Variants in BIVM observed in about 807,000 individuals in gnomAD.
The protein encoded by BIVM is basic, immunoglobulin-like variable motif containing.
Under a neutral mutation model 61.4 loss-of-function variants are expected in BIVM, and 31 were observed. That is an observed-to-expected ratio of 0.51 (90% CI 0.38 to 0.68). The LOEUF is 0.68. Among genes scored for constraint, BIVM ranks in the 30% least tolerant of loss-of-function variants. The pLI is 0.00. For synonymous variants in BIVM, 189 were observed against 210.7 expected, an observed-to-expected ratio of 0.90 and a Z score of 0.89; for missense variants, 526 against 596.0, an observed-to-expected ratio of 0.88 and a Z score of 1.22.
At chr13:102,834,732 A>T (rs115722296) in intron 9 of BIVM, among the ~76,000 whole-genome samples, 180 bp downstream of exon 9, 2,812 of 152,274 alleles carry the variant, frequency 0.018, 84 homozygotes, top group African/African-American at 0.063. Flanking sequence ...ACTCCTATCA[A>T]TCTCCATAGA....
chr13:102,808,857 A>G (rs1879286754), intron 3 of BIVM, among the ~76,000 whole-genome samples: 1 of 152,186 alleles, frequency 6.6e-6, no homozygotes, highest in South Asian at 2.1e-4. Flanking sequence ...TTATCCCTCT[A>G]ACATCTAAGG....
intron 7 of BIVM, among the ~76,000 whole-genome samples, chr13:102,824,055 G>A (rs966263778): frequency 2.0e-5 from 3 of 152,114 alleles, no homozygotes; most frequent in Non-Finnish European, 2.9e-5. Flanking sequence ...CCTTTTTCTG[G>A]TCCAAAAGAT....
In BIVM at chr13:102,837,852, G is replaced by A. The variant is rs77122054; in HGVS notation, c.1122-791G>A. 1.4e-3 allele frequency among the ~76,000 whole-genome samples: 209 copies of A among 152,276 alleles called. 2 individuals carry two copies. In the East Asian group the frequency reaches 0.017, roughly 12 times the overall value. On this transcript the variant is annotated intron_variant, in intron 9 of 10. Transcript: ENST00000257336. ...ACTTTAAGTGGGAGCTAAGCTATGC[G>A]GATGCAAAGGCATAAGAATGATATA...
chr13:102,839,653 A>C lies in BIVM; in HGVS notation c.1300A>C (p.Thr434Pro), dbSNP rs1405838099. The change falls in exon 11 of 11, where the codon ACC becomes CCC. Residue 434 changes from threonine (T) to proline (P), a missense_variant. Physicochemically the swap from Thr to Pro is conservative, Grantham distance 38. Coordinates refer to ENST00000257336, the MANE Select transcript of BIVM (RefSeq NM_017693.4). The stretch of plus-strand genomic sequence containing the variant: ...TGGCCTTTGGAACTTTCCATTTGGA[A>C]CCATTAGACAAGAATCACAACCTCC... ...RFGLWNFPFGTIRQESQPPTH... is the reference protein window; with the variant it reads ...RFGLWNFPFGPIRQESQPPTH... 6.2e-7 allele frequency: 1 copy of C among 1,614,148 alleles called. No homozygotes were observed. Among genetic ancestry groups the C allele is most frequent in the South Asian group, 1.1e-5 (1 of 91,086 alleles).
Position 102,807,545 on chromosome 13 carries a change from G to C in BIVM, c.278G>C (p.Cys93Ser). The C allele has an allele frequency of 6.2e-7, 1 of 1,614,134 alleles. No homozygotes were observed. The highest frequency in any genetic ancestry group is 8.5e-7 in the Non-Finnish European group (1 of 1,180,036). Residue 93 changes from cysteine to serine, a missense_variant, in exon 3 of 11, where the codon TGC becomes TCC. Physicochemically the swap from Cys to Ser is moderately radical, Grantham distance 112. Around this residue, in one of 3 missense-constraint regions of BIVM, gnomAD observed 312 missense variants for 343.8 expected, o/e 0.91. Coordinates refer to ENST00000257336, the MANE Select transcript of BIVM (RefSeq NM_017693.4). The surrounding 1 kb of genome is among the most constrained non-coding windows in gnomAD (Gnocchi z 4.0). ...YKTPNPSRSPCLPDSTSLSAG... is the reference protein window; with the variant it reads ...YKTPNPSRSPSLPDSTSLSAG... Reference sequence around the variant, plus strand: ...ACTCCAAATCCATCCCGCTCTCCTTGCCTCCCTGATAGTACCTCTTTATCT... The same window carrying C: ...ACTCCAAATCCATCCCGCTCTCCTTCCCTCCCTGATAGTACCTCTTTATCT...
At chr13:102,816,243 AT>A (rs1398612958) in intron 3 of BIVM, among the ~76,000 whole-genome samples, 184 bp from the exon 4 acceptor site, 4 of 152,078 alleles carry the variant, frequency 2.6e-5, no homozygotes, top group African/African-American at 9.7e-5. Flanking sequence ...GTATTACTTC[AT>A]TGTGTTTGCA....
rs138734483 is a variant in BIVM, at chr13:102,831,769, C to T, written c.1034+72C>T. The T allele has an allele frequency of 1.8e-4, 278 of 1,544,866 alleles. 3 individuals are homozygous for T. In the South Asian group the frequency reaches 3.1e-3, roughly 17 times the overall value. On this transcript the variant is annotated intron_variant, in intron 8 of 10. Transcript: ENST00000257336. ...AAATAGATGGGTGCGGTAGCTCACG[C>T]CTGTAATCCTAGCACTTTGGGAGGC...
chr13:102,818,314 G>A (rs577743781), intron 4 of BIVM, among the ~76,000 whole-genome samples: 6 of 152,058 alleles, frequency 3.9e-5, no homozygotes, highest in Non-Finnish European at 5.9e-5. Flanking sequence ...TGCTGTTTGC[G>A]TATAATACAT....
rs186582854 is a variant in BIVM at position 102,840,090 on chromosome 13, G to A, written c.*225G>A. ...AGATTATTGTCCTTTCAAGTTAAGA[G>A]TATATAATCTGGACAGAAAATTTCA... On this transcript the variant is annotated 3_prime_UTR_variant, in exon 11 of 11. Coordinates refer to ENST00000257336, the MANE Select transcript of BIVM (RefSeq NM_017693.4). 321 of 416,654 alleles carry A rather than the reference G, an allele frequency of 7.7e-4. 1 individual carries two copies. The highest frequency in any genetic ancestry group is 1.0e-3 in the Non-Finnish European group (249 of 240,678). 25.8% of individuals were successfully genotyped at this position (416,654 alleles called of 1,614,324 possible). A position where few individuals can be genotyped will look rare whatever the true frequency, so the allele number is the denominator to read the frequency against.
rs1566444474 is a variant in BIVM at position 102,807,053 on chromosome 13, T to C, written c.-122-93T>C. ...TAGTAGTTGTAAAATTAATATAGAA[T>C]GAAGGCATATGTATGCATAAAACTT... On this transcript the variant is annotated intron_variant, in intron 2 of 10. Coordinates refer to ENST00000257336, the MANE Select transcript of BIVM (RefSeq NM_017693.4). This position sits in a 1 kb window ranked among gnomAD's most constrained non-coding sequence, Gnocchi z 4.0. 1 of 455,334 alleles carries C rather than the reference T, an allele frequency of 2.2e-6. No individual in the cohort carries two copies. Among genetic ancestry groups the C allele is most frequent in the Non-Finnish European group, 3.9e-6 (1 of 259,632 alleles). The allele number at this position is 455,334 out of a possible 1,614,324, so 28.2% of individuals were successfully genotyped here.
At chr13:102,803,529 G>A (rs1289083922) in intron 1 of BIVM, among the ~76,000 whole-genome samples, 6 of 152,042 alleles carry the variant, frequency 3.9e-5, no homozygotes, top group Non-Finnish European at 1.5e-5. Context: ...TCCCTACACT[G>A]TCACACAGAG....
intron 1 of BIVM, among the ~76,000 whole-genome samples, chr13:102,802,191 A>G (rs1878790171): frequency 1.3e-5 from 2 of 152,226 alleles, no homozygotes; most frequent in Admixed American, 1.3e-4. Flanking sequence ...AGATGAGTCA[A>G]AACAGTGACA....
chr13:102,823,890 G>A (rs1380340345), intron 7 of BIVM, among the ~76,000 whole-genome samples: 2 of 151,728 alleles, frequency 1.3e-5, no homozygotes, highest in Non-Finnish European at 2.9e-5. Context: ...TCTGTATTTG[G>A]TGTAATGTAG....
chr13:102,825,964 T>C (rs1482391697), intron 7 of BIVM, among the ~76,000 whole-genome samples: 1 of 152,168 alleles, frequency 6.6e-6, no homozygotes, highest in Non-Finnish European at 1.5e-5. Context: ...AGAGTTGCCT[T>C]TCTTGAGGAT....
rs199598039 is a variant in BIVM, at chr13:102,807,608, C to A, written c.341C>A (p.Thr114Asn). 6.2e-7 allele frequency: 1 copy of A among 1,614,174 alleles called. No homozygotes were observed. Among genetic ancestry groups the A allele is most frequent in the South Asian group, 1.1e-5 (1 of 91,088 alleles). ...NNSSRYIGIP[T>N]STSEIIYNEE... ...TCATCAAGATACATTGGTATCCCGA[C>A]TAGTACATCGGAAATTATCTACAAT... is the stretch of plus-strand genomic sequence containing the variant. The change falls in exon 3 of 11, where the codon ACT (threonine) becomes AAT (asparagine). Residue 114 changes from threonine to asparagine, a missense_variant. By Grantham distance (65) the Thr-to-Asn change is moderately conservative. Coordinates refer to ENST00000257336, the MANE Select transcript of BIVM (RefSeq NM_017693.4). The surrounding 1 kb of genome is among the most constrained non-coding windows in gnomAD (Gnocchi z 4.0).
chr13:102,823,473 C>T (rs7994575), intron 7 of BIVM, among the ~76,000 whole-genome samples: 53,528 of 152,002 alleles, frequency 0.35, 9,679 homozygotes, highest in African/African-American at 0.44. Flanking sequence ...GTACTTAGCA[C>T]GCTGTGTTAC....
chr13:102,840,589 C>A lies in BIVM; in HGVS notation c.*724C>A, dbSNP rs3204248. 6.7e-6 allele frequency: 1 copy of A among 149,842 alleles called. No individual in the cohort carries two copies. The highest frequency in any genetic ancestry group is 1.5e-5 in the Non-Finnish European group (1 of 67,922). 9.3% of individuals were successfully genotyped at this position (149,842 alleles called of 1,614,324 possible). On this transcript the variant is annotated 3_prime_UTR_variant, in exon 11 of 11. Coordinates refer to ENST00000257336, the MANE Select transcript of BIVM (RefSeq NM_017693.4). ...GTCCTAGCTACTCGAGAGGCTGAGG[C>A]AGGAGAATGGCGTGAACCCGGGAGG...
At chr13:102,829,010 C>CTT (rs35119292) in intron 7 of BIVM, among the ~76,000 whole-genome samples, 3 of 142,962 alleles carry the variant, frequency 2.1e-5, no homozygotes, top group African/African-American at 2.6e-5. Context: ...GCCTGGGCAT[C>CTT]TTTTTTTTTT....
intron 3 of BIVM, among the ~76,000 whole-genome samples, chr13:102,809,940 C>A (rs777578580): frequency 2.5e-4 from 38 of 152,198 alleles, no homozygotes; most frequent in Admixed American, 4.6e-4. Context: ...CGCCTGTCAC[C>A]GTGCCCGGCT....
Sources: allele counts gnomAD v4.1 joint callset (sites outside exome capture counted in the v4.1 genomes callset), GRCh38; gene constraint gnomAD v4.1.1; regional missense constraint gnomAD v4.1.1; non-coding constraint Gnocchi (gnomAD v3.1); transcripts MANE v1.5; gene names NCBI Gene and HGNC (gene_info 2026-07-23, HGNC 2026-07-21).